Variants in PRKG1 observed in about 807,000 individuals in gnomAD.
PRKG1 encodes the protein cGMP-dependent protein kinase 1.
PRKG1 carries 35 observed loss-of-function variants against 88.1 expected under a neutral mutation model. That is an observed-to-expected ratio of 0.40 (90% CI 0.30 to 0.53). PRKG1 has a LOEUF of 0.53. PRKG1 is among the 20% of genes least tolerant of loss of function. The pLI, the probability that PRKG1 is intolerant of heterozygous loss-of-function variation, is 0.59. For synonymous variants in PRKG1, 303 were observed against 292.5 expected (o/e 1.04, Z -0.37); for missense variants, 540 against 839.8 (o/e 0.64, Z 4.41).
At chr10:51,888,833 G>T (rs1841639498) in intron 4 of PRKG1, among the ~76,000 whole-genome samples, 1 of 152,004 alleles carries the variant, frequency 6.6e-6, no homozygotes, top group Non-Finnish European at 1.5e-5. Context: ...AAGAATTATT[G>T]AACAATAAAA....
chr10:51,560,536 G>T (rs1298470576), intron 3 of PRKG1, among the ~76,000 whole-genome samples: 1 of 151,936 alleles, frequency 6.6e-6, no homozygotes, highest in Non-Finnish European at 1.5e-5. Flanking sequence ...AAAATTTACA[G>T]AAAAGTTGCA....
intron 3 of PRKG1, among the ~76,000 whole-genome samples, chr10:51,615,414 A>C (rs1839022574): frequency 6.6e-6 from 1 of 152,114 alleles, no homozygotes; most frequent in Admixed American, 6.5e-5. Flanking sequence ...TTATTTGAGT[A>C]ATTCAGTTTT....
chr10:51,347,239 T>C (rs1167535210), intron 2 of PRKG1, among the ~76,000 whole-genome samples: 1 of 152,084 alleles, frequency 6.6e-6, no homozygotes, highest in Non-Finnish European at 1.5e-5. Context: ...TATATGCCCT[T>C]GGAGTTGGGG....
At chr10:51,021,954 T>C (rs1362314672) in intron 1 of PRKG1, among the ~76,000 whole-genome samples, 1 of 152,226 alleles carries the variant, frequency 6.6e-6, no homozygotes, top group Non-Finnish European at 1.5e-5. Context: ...GTGCTGGGAT[T>C]ACAGGTGTGA....
intron 2 of PRKG1, among the ~76,000 whole-genome samples, chr10:51,213,764 G>C (rs1008624025): frequency 3.3e-5 from 5 of 152,122 alleles, no homozygotes; most frequent in African/African-American, 1.2e-4. Flanking sequence ...TGAAGTGTGT[G>C]GGTGTGTGTG....
At chr10:51,916,794 G>C (rs1842349928) in intron 5 of PRKG1, among the ~76,000 whole-genome samples, 4 of 152,152 alleles carry the variant, frequency 2.6e-5, no homozygotes, top group Admixed American at 2.6e-4. Flanking sequence ...TGATGGATGG[G>C]TAAATAAAAT....
chr10:51,956,089 C>A (rs1843295527), intron 5 of PRKG1, among the ~76,000 whole-genome samples: 1 of 152,058 alleles, frequency 6.6e-6, no homozygotes, highest in African/African-American at 2.4e-5. Flanking sequence ...GGAACCACAT[C>A]TTGAAGGATA....
chr10:51,392,584 C>A (rs952863556), intron 2 of PRKG1, among the ~76,000 whole-genome samples: 1 of 151,782 alleles, frequency 6.6e-6, no homozygotes. Context: ...CCCCACCTTT[C>A]CCCCCTTTCT....
chr10:51,213,593 A>G (rs576706143), intron 2 of PRKG1, among the ~76,000 whole-genome samples: 9 of 152,348 alleles, frequency 5.9e-5, no homozygotes, highest in African/African-American at 2.2e-4. Flanking sequence ...TGTTAGAAGA[A>G]TTTGCATTAT....
At chr10:51,402,750 A>AAGTAAATGCCTGATTAGTGG (rs1373782441) in intron 2 of PRKG1, among the ~76,000 whole-genome samples, 2 of 152,116 alleles carry the variant, frequency 1.3e-5, no homozygotes, top group Non-Finnish European at 2.9e-5. Flanking sequence ...AGAAAAACTA[A>AAGTAAATGCCTGATTAGTGG]AGTAAATGCC....
At chr10:51,023,206 T>C (rs761173885) in intron 1 of PRKG1, among the ~76,000 whole-genome samples, 2 of 152,186 alleles carry the variant, frequency 1.3e-5, no homozygotes, top group African/African-American at 4.8e-5. Flanking sequence ...CTTGTCAAGC[T>C]AGGGGGCAAA....
intron 2 of PRKG1, among the ~76,000 whole-genome samples, chr10:51,361,672 A>T: frequency 6.6e-6 from 1 of 151,798 alleles, no homozygotes; most frequent in Admixed American, 6.6e-5. Context: ...GTTACTTCTG[A>T]AATGCCAAAT....
intron 3 of PRKG1, among the ~76,000 whole-genome samples, chr10:51,765,989 G>T (rs535316711): frequency 6.5e-4 from 99 of 152,184 alleles, no homozygotes; most frequent in African/African-American, 2.3e-3. Context: ...ACTCTTCCTG[G>T]CTTGCAGATG....
chr10:50,997,792 T>C (rs1460730554), intron 1 of PRKG1, among the ~76,000 whole-genome samples: 2 of 152,182 alleles, frequency 1.3e-5, no homozygotes, highest in African/African-American at 4.8e-5. Context: ...GTCATTGGTG[T>C]GCTGTGCTTT....
At position 51,907,779 on chromosome 10, in the gene PRKG1, T is replaced by G. The variant is rs1006786950; in HGVS notation, c.762+209T>G. 7.0e-6 allele frequency: 3 copies of G among 430,566 alleles called. No individual in the cohort carries two copies. In the East Asian group the frequency reaches 1.1e-4, roughly 15 times the overall value. The allele number at this position is 430,566 out of a possible 1,614,324, so 26.7% of individuals were successfully genotyped here. A position where few individuals can be genotyped will look rare whatever the true frequency, so the allele number is the denominator to read the frequency against. ...AGAAAGGTGCAAATCAACCTAATTA[T>G]AGAGGGAGACAAACTTTTTGTTGTG... is the stretch of plus-strand genomic sequence containing the variant. On this transcript the variant is annotated intron_variant, in intron 5 of 17. Coordinates refer to ENST00000373980, the MANE Select transcript of PRKG1 (RefSeq NM_006258.4).
chr10:51,436,843 A>G (rs1010197662), intron 2 of PRKG1, among the ~76,000 whole-genome samples: 3 of 152,030 alleles, frequency 2.0e-5, no homozygotes, highest in Non-Finnish European at 4.4e-5. Flanking sequence ...AGAGACCTGT[A>G]AGCTAAATTC....
At chr10:51,974,561 T>C (rs1362347082) in intron 5 of PRKG1, among the ~76,000 whole-genome samples, 1 of 147,856 alleles carries the variant, frequency 6.8e-6, no homozygotes, top group African/African-American at 2.4e-5. Context: ...GTATTCCCTT[T>C]ATTTCTGCAA....
intron 5 of PRKG1, among the ~76,000 whole-genome samples, chr10:51,949,104 C>T (rs990591706): frequency 6.6e-6 from 1 of 152,130 alleles, no homozygotes; most frequent in African/African-American, 2.4e-5. Context: ...ATATGGACAT[C>T]TAAGACTTAA....
chr10:51,442,600 A>AT (rs912184976), intron 2 of PRKG1, among the ~76,000 whole-genome samples: 1 of 152,014 alleles, frequency 6.6e-6, no homozygotes, highest in African/African-American at 2.4e-5. Flanking sequence ...CAGTATAGTC[A>AT]TTGTACTTAT....
Sources: gnomAD v4.1 joint callset for allele counts (sites outside exome capture counted in the v4.1 genomes callset) on GRCh38, gnomAD v4.1.1 for gene constraint, MANE v1.5 for transcripts, NCBI Gene and HGNC (gene_info 2026-07-23, HGNC 2026-07-21) for gene names.